The following WDR33 variants were observed in gnomAD, a reference collection of about 807,000 sequenced individuals.
WDR33 encodes WD repeat domain 33.
WDR33 carries 47 observed loss-of-function variants against 164.9 expected under a neutral mutation model. The ratio of observed to expected loss-of-function variants is 0.29; its 90% CI spans 0.23 to 0.36. The LOEUF is 0.36. Ranked by LOEUF, WDR33 falls within the 10% of genes least tolerant of loss-of-function variation. The pLI is 1.00. For synonymous variants in WDR33, 505 were observed against 589.0 expected (o/e 0.86, Z 2.06); for missense variants, 1,137 against 1,754.1 (o/e 0.65, Z 6.28).
rs777110540 is a variant in WDR33 at position 127,719,653 on chromosome 2, C to T, written c.2372G>A (p.Arg791Gln). ...TTGGGGAGCAGGACCCTGGTTCTCC[C>T]GGGGGCCTGGAGGCCCCTGCATTCC... The part of the protein sequence containing the change: ...PRGMQGPPGP[R>Q]ENQGPAPQGM... The change falls in exon 16 of 22, where the codon CGG becomes CAG. Residue 791 changes from arginine (R) to glutamine (Q), a missense_variant. By Grantham distance (43) the Arg-to-Gln change is conservative (BLOSUM62 1). This residue lies in a region of WDR33 where 867 missense variants were observed against 1,073.0 expected (regional missense o/e 0.81). Transcript: ENST00000322313. The surrounding 1 kb of genome is among the most constrained non-coding windows in gnomAD (Gnocchi z 6.5). 6 of 1,613,454 alleles carry T rather than the reference C, an allele frequency of 3.7e-6. No homozygotes were observed. The highest frequency in any genetic ancestry group is 1.3e-5 in the African/African-American group (1 of 74,932).
intron 7 of WDR33, among the ~76,000 whole-genome samples, chr2:127,745,827 G>A (rs921727221): frequency 8.6e-5 from 13 of 152,030 alleles, no homozygotes; most frequent in Non-Finnish European, 1.3e-4. Context: ...AAAACAGCAC[G>A]TCGTTCTCCA....
rs375608973 is a variant in WDR33 at position 127,722,976 on chromosome 2, T to C, written c.1360A>G (p.Met454Val). 7 of 1,610,622 alleles carry C rather than the reference T, an allele frequency of 4.3e-6. No individual in the cohort carries two copies. Among genetic ancestry groups the C allele is most frequent in the Admixed American group, 1.7e-5 (1 of 59,232 alleles). Residue 454 changes from methionine (M) to valine (V), a missense_variant, in exon 13 of 22, where the codon ATG becomes GTG. By Grantham distance (21) the Met-to-Val change is conservative (BLOSUM62 1). Coordinates refer to ENST00000322313, the MANE Select transcript of WDR33 (RefSeq NM_018383.5). This position sits in a 1 kb window ranked among gnomAD's most constrained non-coding sequence, Gnocchi z 5.1. ...MGIPEQLKLA[M>V]EQEQMGKDES... is the part of the protein sequence containing the mutation. ...CTCTTACCCATCTGTTCTTGTTCCA[T>C]AGCTAATTTTAGTTGTTCTGGTATT...
rs2105364328 is a variant in WDR33, at chr2:127,702,117, C to A, written c.*4206G>T. 17 of 1,218,498 alleles carry A rather than the reference C, an allele frequency of 1.4e-5. No individual in the cohort carries two copies. Among genetic ancestry groups the A allele is most frequent in the South Asian group, 8.0e-5 (2 of 24,978 alleles). The allele number at this position is 1,218,498 out of a possible 1,614,324, so 75.5% of individuals were successfully genotyped here. On this transcript the variant is annotated 3_prime_UTR_variant, in exon 22 of 22. Transcript: ENST00000322313. Reference sequence around the variant, plus strand: ...GCCCTGGGGCGGCGGCACCGCGCTGCGCCTCGCACTGGGTCGCCTGGGCCG... The same window carrying A: ...GCCCTGGGGCGGCGGCACCGCGCTGAGCCTCGCACTGGGTCGCCTGGGCCG...
At chr2:127,791,237 C>G (rs1321957566) in intron 1 of WDR33, among the ~76,000 whole-genome samples, 1 of 144,744 alleles carries the variant, frequency 6.9e-6, no homozygotes, top group African/African-American at 2.6e-5. Flanking sequence ...TACCTCACTG[C>G]AGCCTCAAAC....
intron 1 of WDR33, among the ~76,000 whole-genome samples, chr2:127,808,173 A>T (rs944979570): frequency 1.3e-5 from 2 of 151,920 alleles, no homozygotes; most frequent in African/African-American, 4.9e-5. Flanking sequence ...TAAATTCATC[A>T]CAGAAAGAAA....
intron 7 of WDR33, among the ~76,000 whole-genome samples, chr2:127,728,422 C>T (rs988575285): frequency 1.8e-4 from 28 of 152,116 alleles, no homozygotes; most frequent in African/African-American, 6.3e-4. Flanking sequence ...GTCTAGACAC[C>T]GAATTGTTAA....
At position 127,718,919 on chromosome 2, in the gene WDR33, A is replaced by G. The variant is rs1306689083; in HGVS notation, c.2760+346T>C. On this transcript the variant is annotated intron_variant, in intron 16 of 21. Coordinates refer to ENST00000322313, the MANE Select transcript of WDR33 (RefSeq NM_018383.5). The surrounding 1 kb of genome is among the most constrained non-coding windows in gnomAD (Gnocchi z 4.4). The stretch of plus-strand genomic sequence containing the variant: ...CATGACAGCCTCAGAGCCGACCACC[A>G]TGTAAAACATGCTTCCTCCTCAGGG... Among the ~76,000 whole-genome samples the G allele has an allele frequency of 1.3e-5, 2 of 152,192 alleles. No homozygotes were observed. The highest frequency in any genetic ancestry group is 2.9e-5 in the Non-Finnish European group (2 of 68,028).
intron 7 of WDR33, among the ~76,000 whole-genome samples, chr2:127,742,789 AAAGAT>A (rs139230766): frequency 0.021 from 3,171 of 151,856 alleles, 123 homozygotes; most frequent in African/African-American, 0.073. Context: ...TAAATGGAAA[AAAGAT>A]AAGACTGCAG....
chr2:127,715,835 G>C (rs1042318579), intron 17 of WDR33, among the ~76,000 whole-genome samples: 2 of 152,218 alleles, frequency 1.3e-5, no homozygotes, highest in Non-Finnish European at 2.9e-5. Flanking sequence ...ACCAGTGATG[G>C]GGCGGCGGCG....
Position 127,701,602 on chromosome 2 carries a change from C to G in WDR33, c.*4721G>C. The G allele has an allele frequency of 7.4e-7, 1 of 1,347,534 alleles. No homozygotes were observed. The highest frequency in any genetic ancestry group is 9.5e-7 in the Non-Finnish European group (1 of 1,051,494). 83.5% of individuals were successfully genotyped at this position (1,347,534 alleles called of 1,614,324 possible). On this transcript the variant is annotated 3_prime_UTR_variant, in exon 22 of 22. Coordinates refer to ENST00000322313, the MANE Select transcript of WDR33 (RefSeq NM_018383.5). ...GCTGGCGGCCCGGCGGCCGCGGAGC[C>G]GCTGCTCGCCGCGGAGAAGGCGGAG...
chr2:127,754,308 G>A (rs1418596706), intron 7 of WDR33, among the ~76,000 whole-genome samples: 3 of 152,156 alleles, frequency 2.0e-5, no homozygotes, highest in Non-Finnish European at 4.4e-5. Context: ...CCGACCATCC[G>A]TCTGAAAAGG....
intron 18 of WDR33, among the ~76,000 whole-genome samples, chr2:127,711,753 T>TATATATATATAGATATAGATAGATAG (rs1558919270): frequency 4.2e-5 from 3 of 71,138 alleles, no homozygotes; most frequent in African/African-American, 3.9e-4. Context: ...CATATACAGA[T>TATATATATATAGATATAGATAGATAG]ATATATATAT....
In WDR33 at chr2:127,703,215, C is replaced by G. The variant is rs1387382233; in HGVS notation, c.*3108G>C. The G allele has an allele frequency of 7.2e-5, 12 of 166,974 alleles. No individual in the cohort carries two copies. The highest frequency in any genetic ancestry group is 4.4e-5 in the Non-Finnish European group (3 of 68,110). 10.3% of individuals were successfully genotyped at this position (166,974 alleles called of 1,614,324 possible). ...AAACATTGTGTGCCAGTGGTCCTCG[C>G]GCTTGACTGCACATCAGTTACTTGA... On this transcript the variant is annotated 3_prime_UTR_variant, in exon 22 of 22. Transcript: ENST00000322313.
intron 1 of WDR33, among the ~76,000 whole-genome samples, chr2:127,785,079 A>G (rs1688513277): frequency 6.6e-6 from 1 of 152,160 alleles, no homozygotes; most frequent in African/African-American, 2.4e-5. Flanking sequence ...GGTTGCCTCC[A>G]TTCATTTTCA....
At chr2:127,776,998 A>G (rs1688205761) in intron 1 of WDR33, among the ~76,000 whole-genome samples, 1 of 152,232 alleles carries the variant, frequency 6.6e-6, no homozygotes, top group Non-Finnish European at 1.5e-5. Context: ...TTAGTCCCCA[A>G]AACATACTCA....
intron 3 of WDR33, 145 bp downstream of exon 3, chr2:127,768,788 T>A (rs1415232603): frequency 2.0e-6 from 1 of 491,316 alleles, no homozygotes; most frequent in African/African-American, 2.1e-5. Flanking sequence ...CTTACACAGA[T>A]GTGTTATATT....
intron 1 of WDR33, among the ~76,000 whole-genome samples, chr2:127,797,855 C>A (rs1219478997): frequency 6.6e-6 from 1 of 151,770 alleles, no homozygotes; most frequent in Non-Finnish European, 1.5e-5. Flanking sequence ...CTACCAAAAA[C>A]ACAAAAACTT....
Position 127,762,978 on chromosome 2 carries a change from A to C in WDR33, c.724+84T>G, listed in dbSNP as rs958662137. 1.9e-6 allele frequency: 3 copies of C among 1,598,566 alleles called. No homozygotes were observed. The African/African-American group carries it at 4.0e-5, about 21-fold the overall frequency. On this transcript the variant is annotated intron_variant, in intron 7 of 21. Transcript: ENST00000322313. ...GTAAAAAAAATTGAATGGAGGTGTA[A>C]GCCAGTATTGTGGTTTTGTGATGAT... is the stretch of plus-strand genomic sequence containing the variant.
In WDR33 at chr2:127,735,281, T is replaced by A. The variant is rs1387333323; in HGVS notation, c.725-8504A>T. The A allele has an allele frequency of 2.9e-6, 2 of 695,426 alleles. No individual in the cohort carries two copies. Among genetic ancestry groups the A allele is most frequent in the African/African-American group, 3.9e-5 (2 of 51,256 alleles). 43.1% of individuals were successfully genotyped at this position (695,426 alleles called of 1,614,324 possible). On this transcript the variant is annotated intron_variant, in intron 7 of 21. Transcript: ENST00000322313. The surrounding 1 kb of genome is among the most constrained non-coding windows in gnomAD (Gnocchi z 4.3). The stretch of plus-strand genomic sequence containing the variant: ...CACCCCTCCTCCACCTGATCACCCC[T>A]CCTCCACCTCATCAGATCCTAAGGA...
Sources: allele counts gnomAD v4.1 joint callset (sites outside exome capture counted in the v4.1 genomes callset), GRCh38; gene constraint gnomAD v4.1.1; regional missense constraint gnomAD v4.1.1; non-coding constraint Gnocchi (gnomAD v3.1); transcripts MANE v1.5; gene names NCBI Gene and HGNC (gene_info 2026-07-23, HGNC 2026-07-21).